The following SPICE1 variants were observed in gnomAD, a reference collection of about 807,000 sequenced individuals.
SPICE1 encodes spindle and centriole-associated protein 1.
In SPICE1, 75 loss-of-function variants were observed where a neutral mutation model predicts 102.7. The observed-to-expected ratio is 0.73, with a 90% CI of 0.61 to 0.88. The LOEUF is 0.88. SPICE1 is among the 40% of genes least tolerant of loss of function. The pLI, the probability that SPICE1 is intolerant of heterozygous loss-of-function variation, is 0.00. For missense variants in SPICE1, 979 were observed against 1,020.1 expected, an observed-to-expected ratio of 0.96 and a Z score of 0.55; for synonymous variants, 308 against 350.3, an observed-to-expected ratio of 0.88 and a Z score of 1.35.
At position 113,481,750 on chromosome 3, in the gene SPICE1, T is replaced by TC. The variant is rs751849927; in HGVS notation, c.611+7194dup. Among the ~76,000 whole-genome samples, 223 of 152,298 alleles carry TC rather than the reference T, an allele frequency of 1.5e-3. 2 individuals are homozygous for TC. Among genetic ancestry groups the TC allele is most frequent in the Middle Eastern group, 3.4e-3 (1 of 294 alleles). ...TGTCCCTGCAAAGGACATGAACTCA[T>TC]CTTTTTTATGGCTGCATAGTATTCC... On this transcript the variant is annotated intron_variant, in intron 7 of 17. Transcript: ENST00000295872.
At chr3:113,495,787 A>C (rs2107497719) in intron 4 of SPICE1, among the ~76,000 whole-genome samples, 1 of 152,350 alleles carries the variant, frequency 6.6e-6, no homozygotes, top group South Asian at 2.1e-4. Context: ...AATTACACAA[A>C]GCTTATTTCC....
chr3:113,456,765 T>C lies in SPICE1; in HGVS notation c.1657+371A>G, dbSNP rs532240932. ...GACCCTTAAAGTCACAGTTTTCACC[T>C]TTCCTTAGTCTAACTTTCATTACTC... On this transcript the variant is annotated intron_variant, in intron 13 of 17. Transcript: ENST00000295872. 2.7e-4 allele frequency among the ~76,000 whole-genome samples: 41 copies of C among 152,336 alleles called. No individual in the cohort carries two copies. In the South Asian group the frequency reaches 5.0e-3, roughly 18 times the overall value.
intron 13 of SPICE1, among the ~76,000 whole-genome samples, chr3:113,455,722 C>T (rs781343178): frequency 3.3e-5 from 5 of 152,122 alleles, no homozygotes; most frequent in African/African-American, 7.2e-5. Flanking sequence ...AAAACATCAC[C>T]AATTCAAATA....
intron 7 of SPICE1, among the ~76,000 whole-genome samples, chr3:113,471,513 G>T (rs141564831): frequency 2.0e-4 from 30 of 152,098 alleles, no homozygotes; most frequent in Non-Finnish European, 4.3e-4. Context: ...ATACCTTGAC[G>T]TTGGCCTAGT....
In SPICE1 at chr3:113,489,345, T is replaced by A. The variant is rs114876147; in HGVS notation, c.493-282A>T. Among the ~76,000 whole-genome samples the A allele has an allele frequency of 5.1e-3, 775 of 152,252 alleles. 6 individuals are homozygous for A. The highest frequency in any genetic ancestry group is 0.014 in the Middle Eastern group (4 of 294). ...CTATACTTACCTTAAGCTATATATA[T>A]CTTCTTTCTTCTACCACCAAACTTC... On this transcript the variant is annotated intron_variant, in intron 6 of 17. Transcript: ENST00000295872.
rs1003070595 is a variant in SPICE1 at position 113,503,275 on chromosome 3, A to T, written c.100-48T>A. ...TTTAAAAAAAAAAAAAAGTTTTCTT[A>T]TAAAATATACACATTTATTGGATTT... is the stretch of plus-strand genomic sequence containing the variant. On this transcript the variant is annotated intron_variant, in intron 2 of 17. Transcript: ENST00000295872. 2.7e-6 allele frequency: 4 copies of T among 1,476,874 alleles called. No homozygotes were observed. In the African/African-American group the frequency reaches 5.8e-5, roughly 22 times the overall value. The allele number at this position is 1,476,874 out of a possible 1,614,324, so 91.5% of individuals were successfully genotyped here.
At chr3:113,454,887 G>A (rs555046468) in intron 13 of SPICE1, among the ~76,000 whole-genome samples, 1 of 152,088 alleles carries the variant, frequency 6.6e-6, no homozygotes, top group Non-Finnish European at 1.5e-5. Context: ...TCAAAAACCA[G>A]AACCTTGCAC....
chr3:113,462,660 C>T (rs577004307), intron 11 of SPICE1, among the ~76,000 whole-genome samples: 2 of 152,234 alleles, frequency 1.3e-5, no homozygotes, highest in Non-Finnish European at 2.9e-5. Context: ...CTCAAACAGC[C>T]CCTCAGTTGT....
At chr3:113,483,498 T>C (rs902190861) in intron 7 of SPICE1, among the ~76,000 whole-genome samples, 8 of 150,652 alleles carry the variant, frequency 5.3e-5, no homozygotes, top group African/African-American at 1.7e-4. Flanking sequence ...CCATCCAGTA[T>C]TCTATTGGCT....
intron 12 of SPICE1, among the ~76,000 whole-genome samples, chr3:113,458,080 T>C (rs1464953298): frequency 6.6e-6 from 1 of 152,224 alleles, no homozygotes; most frequent in Non-Finnish European, 1.5e-5. Flanking sequence ...CAGGAAGATA[T>C]TACATAAATC....
intron 7 of SPICE1, among the ~76,000 whole-genome samples, chr3:113,483,335 A>G (rs1936564780): frequency 6.6e-6 from 1 of 152,178 alleles, no homozygotes; most frequent in African/African-American, 2.4e-5. Context: ...TAAATATACA[A>G]TCATGTCATC....
chr3:113,494,981 C>T (rs1936851615), intron 4 of SPICE1, among the ~76,000 whole-genome samples: 1 of 152,096 alleles, frequency 6.6e-6, no homozygotes, highest in African/African-American at 2.4e-5. Flanking sequence ...CAAGTCATGA[C>T]CTACAACTTT....
rs1351205312 is a variant in SPICE1, at chr3:113,468,906, G to A, written c.752-7C>T. ...TTGGTAGCATTCAGAGCAGCTAAAA[G>A]GAAGAACATTTCCAAAAGTATCTCA... On this transcript the variant is annotated splice_region_variant and splice_polypyrimidine_tract_variant and intron_variant, in intron 8 of 17. Transcript: ENST00000295872. 6.3e-7 allele frequency: 1 copy of A among 1,599,138 alleles called. No homozygotes were observed. Among genetic ancestry groups the A allele is most frequent in the East Asian group, 2.2e-5 (1 of 44,764 alleles).
chr3:113,458,284 C>T (rs28472841), intron 12 of SPICE1, among the ~76,000 whole-genome samples: 6,481 of 152,198 alleles, frequency 0.043, 168 homozygotes, highest in East Asian at 0.1. Flanking sequence ...ACTGTACTGC[C>T]GCCATCTCGA....
intron 7 of SPICE1, among the ~76,000 whole-genome samples, chr3:113,483,001 G>A (rs1443531112): frequency 6.6e-6 from 1 of 152,158 alleles, no homozygotes; most frequent in Non-Finnish European, 1.5e-5. Context: ...TGGGCAGTAT[G>A]GCCATTTTCA....
intron 7 of SPICE1, among the ~76,000 whole-genome samples, chr3:113,473,010 C>T (rs1384046745): frequency 6.6e-6 from 1 of 152,052 alleles, no homozygotes; most frequent in Non-Finnish European, 1.5e-5. Context: ...GAAATTCAAA[C>T]CAAAGGCAAA....
intron 1 of SPICE1, among the ~76,000 whole-genome samples, chr3:113,511,040 C>T (rs1259457305): frequency 6.6e-6 from 1 of 152,138 alleles, no homozygotes; most frequent in Non-Finnish European, 1.5e-5. Context: ...TAGAGAAATG[C>T]AAATCAAAAC....
intron 9 of SPICE1, 47 bp from the exon 10 acceptor site, chr3:113,468,451 G>T: frequency 1.9e-6 from 3 of 1,574,396 alleles, no homozygotes; most frequent in South Asian, 2.4e-5. Flanking sequence ...GAAAAATTAT[G>T]ACTAGAAAAC....
At chr3:113,494,176 A>G (rs1936823785) in intron 4 of SPICE1, 34 bp from the exon 5 acceptor site, 1 of 1,404,714 alleles carries the variant, frequency 7.1e-7, no homozygotes, top group Non-Finnish European at 9.9e-7. Context: ...ATTATTATTC[A>G]GATTATATTT....
Sources: allele counts gnomAD v4.1 joint callset (sites outside exome capture counted in the v4.1 genomes callset), GRCh38; gene constraint gnomAD v4.1.1; transcripts MANE v1.5; gene names NCBI Gene and HGNC (gene_info 2026-07-23, HGNC 2026-07-21).